KCNC4: variants seen among roughly 807,000 people sequenced by gnomAD.
KCNC4 encodes the protein potassium voltage-gated channel subfamily C member 4.
Under a neutral mutation model 42.8 loss-of-function variants are expected in KCNC4, and 23 were observed. The observed-to-expected ratio is 0.54, with a 90% CI of 0.39 to 0.76. The LOEUF (loss-of-function observed/expected upper bound fraction) is 0.76. Ranked by LOEUF, KCNC4 falls within the 30% of genes least tolerant of loss-of-function variation. The probability of loss-of-function intolerance (pLI) is 0.00; values close to 1 mark genes in which losing one functional copy is unlikely to be tolerated. For synonymous variants in KCNC4, 422 were observed against 393.5 expected (o/e 1.07, Z -0.86); for missense variants, 751 against 898.2 (o/e 0.84, Z 2.10).
rs757459306 is a variant in KCNC4 at position 110,211,847 on chromosome 1, C to T, written c.348C>T (p.His116=). The T allele has an allele frequency of 3.7e-6, 6 of 1,611,742 alleles. No individual in the cohort carries two copies. Among genetic ancestry groups the T allele is most frequent in the Non-Finnish European group, 5.1e-6 (6 of 1,179,850 alleles). ...ACTACTACCGCACCGGCAAGCTGCA[C>T]TGCCCCGCGGACGTGTGCGGGCCGC... ...VLNYYRTGKL[H]CPADVCGPLF... The change falls in exon 1 of 4, where the codon CAC becomes CAT. Residue 116 remains histidine, a synonymous_variant. Transcript: ENST00000438661. The surrounding 1 kb of genome is among the most constrained non-coding windows in gnomAD (Gnocchi z 6.5).
At chr1:110,224,496 C>G (rs1658285553) in intron 2 of KCNC4, 2 of 153,360 alleles carry the variant, frequency 1.3e-5, no homozygotes, top group Admixed American at 6.5e-5. Context: ...GCCTTCTGTT[C>G]AGCACAAGCT....
intron 1 of KCNC4, chr1:110,272,659 G>A (rs1178468597): frequency 6.6e-6 from 1 of 152,010 alleles, no homozygotes; most frequent in Non-Finnish European, 1.5e-5. Context: ...ATGATTGGAG[G>A]TGTGGGAAAG....
intron 1 of KCNC4, among the ~76,000 whole-genome samples, chr1:110,264,798 C>T (rs1396146420): frequency 6.6e-6 from 1 of 152,108 alleles, no homozygotes; most frequent in East Asian, 1.9e-4. Flanking sequence ...AGGGAGAGAG[C>T]TGGCTGGGCG....
Position 110,212,159 on chromosome 1 carries a change from C to T in KCNC4, c.660C>T (p.Tyr220=). The T allele has an allele frequency of 1.3e-6, 2 of 1,509,722 alleles. No individual in the cohort carries two copies. Among genetic ancestry groups the T allele is most frequent in the African/African-American group, 1.5e-5 (1 of 68,568 alleles). 93.5% of individuals were successfully genotyped at this position (1,509,722 alleles called of 1,614,324 possible). A position where few individuals can be genotyped will look rare whatever the true frequency, so the allele number is the denominator to read the frequency against. Residue 220 remains tyrosine (Y), a synonymous_variant, in exon 1 of 4, where the codon TAC becomes TAT. Coordinates refer to ENST00000438661, the MANE Select transcript of KCNC4 (RefSeq NM_001039574.3). ...TGTGGGCGCTCTTCGAGGATCCCTA[C>T]TCCTCCCGGGCCGCTAGGGTGAGTG... The part of the protein sequence containing the change: ...PRMWALFEDP[Y]SSRAARVVAF...
rs1222713952 is a variant in KCNC4 at position 110,211,486 on chromosome 1, C to T, written c.-14C>T. On this transcript the variant is annotated 5_prime_UTR_variant, in exon 1 of 4. Coordinates refer to ENST00000438661, the MANE Select transcript of KCNC4 (RefSeq NM_001039574.3). The surrounding 1 kb of genome is among the most constrained non-coding windows in gnomAD (Gnocchi z 6.5). Reference sequence around the variant, plus strand: ...GCAGCGGCCGCCCCAAGCCGGAGCCCCGCAGCGCTTCTTATGATCAGCTCG... The same window carrying T: ...GCAGCGGCCGCCCCAAGCCGGAGCCTCGCAGCGCTTCTTATGATCAGCTCG... 6 of 1,605,408 alleles carry T rather than the reference C, an allele frequency of 3.7e-6. No individual in the cohort carries two copies. Among genetic ancestry groups the T allele is most frequent in the Admixed American group, 1.7e-5 (1 of 59,738 alleles).
chr1:110,275,734 G>T (rs1443739352), intron 1 of KCNC4, among the ~76,000 whole-genome samples: 1 of 151,940 alleles, frequency 6.6e-6, no homozygotes, highest in Non-Finnish European at 1.5e-5. Flanking sequence ...CGAGGCGGGT[G>T]GATCATGAGG....
At chr1:110,214,515 T>C (rs1657673412) in intron 1 of KCNC4, among the ~76,000 whole-genome samples, 1 of 152,222 alleles carries the variant, frequency 6.6e-6, no homozygotes, top group African/African-American at 2.4e-5. Flanking sequence ...CCCAGACAGA[T>C]ACATTGCTGT....
chr1:110,226,120 T>A lies in KCNC4; in HGVS notation c.1761T>A (p.Ala587=). The change falls in exon 3 of 4, where the codon GCT becomes GCA. Residue 587 remains alanine, a synonymous_variant. Coordinates refer to ENST00000438661, the MANE Select transcript of KCNC4 (RefSeq NM_001039574.3). ...STTRDRNKKA[A]ACFLLSTGDY... Reference sequence around the variant, plus strand: ...CTCGAGACAGAAACAAGAAGGCAGCTGCCTGCTTCCTGCTCAGCACTGGGG... The same window carrying A: ...CTCGAGACAGAAACAAGAAGGCAGCAGCCTGCTTCCTGCTCAGCACTGGGG... 10 of 1,614,130 alleles carry A rather than the reference T, an allele frequency of 6.2e-6. No individual in the cohort carries two copies. The highest frequency in any genetic ancestry group is 8.5e-6 in the Non-Finnish European group (10 of 1,180,006).
chr1:110,251,247 T>C (rs12130914), downstream of KCNC4, among the ~76,000 whole-genome samples: 56,380 of 152,046 alleles, frequency 0.37, 10,692 homozygotes, highest in African/African-American at 0.39. Flanking sequence ...GCTGTGTCCC[T>C]ACTCAAATCT....
At chr1:110,217,004 G>A (rs762988196) in intron 1 of KCNC4, among the ~76,000 whole-genome samples, 2 of 152,072 alleles carry the variant, frequency 1.3e-5, no homozygotes, top group Admixed American at 6.5e-5. Flanking sequence ...GAGAGCAGGG[G>A]GTCACCTTGG....
At chr1:110,234,931 A>T (rs1658870438), downstream of KCNC4, 1 of 152,288 alleles carries the variant, frequency 6.6e-6, no homozygotes, top group Non-Finnish European at 1.5e-5. Flanking sequence ...TTGTTAGGGA[A>T]TAATGATGGC....
rs546936456 is a variant in KCNC4, at chr1:110,229,881, G to A, written c.1820-3030G>A. Among the ~76,000 whole-genome samples the A allele has an allele frequency of 3.7e-4, 55 of 148,992 alleles. No individual in the cohort carries two copies. The South Asian group carries it at 3.9e-3, about 11-fold the overall frequency. On this transcript the variant is annotated intron_variant, in intron 3 of 3. Coordinates refer to ENST00000438661, the MANE Select transcript of KCNC4 (RefSeq NM_001039574.3). ...ATTAGACCTGACAGCAGAGCCGTGC[G>A]CCTGGCAATTTTTAGAGTCAGATTA...
chr1:110,223,098 C>T lies in KCNC4; in HGVS notation c.813C>T (p.Phe271=). Residue 271 remains phenylalanine, a synonymous_variant, in exon 2 of 4, where the codon TTC becomes TTT. Transcript: ENST00000438661. This position sits in a 1 kb window ranked among gnomAD's most constrained non-coding sequence, Gnocchi z 7.5. ...TAGGGAACATCACCAGCGTGCACTT[C>T]CGGCGGGAGGTAGAGACAGAGCCCA... ...LRVGNITSVH[F]RREVETEPIL... The T allele has an allele frequency of 3.1e-6, 5 of 1,614,216 alleles. No homozygotes were observed. The highest frequency in any genetic ancestry group is 4.2e-6 in the Non-Finnish European group (5 of 1,180,030).
chr1:110,223,343 G>T lies in KCNC4; in HGVS notation c.1058G>T (p.Arg353Leu). The T allele has an allele frequency of 6.2e-7, 1 of 1,613,818 alleles. No homozygotes were observed. Among genetic ancestry groups the T allele is most frequent in the Non-Finnish European group, 8.5e-7 (1 of 1,179,884 alleles). ...LGFLRVVRFV[R>L]ILRIFKLTRH... ...TTCCTGCGCGTGGTGCGCTTCGTGC[G>T]CATCCTGCGTATCTTCAAGCTCACA... The change falls in exon 2 of 4, where the codon CGC (arginine) becomes CTC (leucine). Residue 353 changes from arginine to leucine, a missense_variant. Coordinates refer to ENST00000438661, the MANE Select transcript of KCNC4 (RefSeq NM_001039574.3). The surrounding 1 kb of genome is among the most constrained non-coding windows in gnomAD (Gnocchi z 7.5).
At chr1:110,229,614 G>A (rs919292867) in intron 3 of KCNC4, among the ~76,000 whole-genome samples, 4 of 152,162 alleles carry the variant, frequency 2.6e-5, no homozygotes, top group South Asian at 2.1e-4. Context: ...TGCCAGAACC[G>A]GAGACTCATC....
intron 1 of KCNC4, chr1:110,220,871 A>G (rs1260284176): frequency 6.6e-6 from 1 of 152,230 alleles, no homozygotes; most frequent in Non-Finnish European, 1.5e-5. Flanking sequence ...AAAGGAACTT[A>G]AATTTACCTT....
Position 110,212,117 on chromosome 1 carries a change from C to T in KCNC4, c.618C>T (p.Arg206=). The change falls in exon 1 of 4, where the codon CGC becomes CGT. Residue 206 remains arginine, a synonymous_variant. Coordinates refer to ENST00000438661, the MANE Select transcript of KCNC4 (RefSeq NM_001039574.3). Reference sequence around the variant, plus strand: ...ATGGCGCCGGGTCTGGGGGCTGCCGCGGCTGGCAGCCCCGCATGTGGGCGC... The same window carrying T: ...ATGGCGCCGGGTCTGGGGGCTGCCGTGGCTGGCAGCCCCGCATGTGGGCGC... ...AGHGAGSGGC[R]GWQPRMWALF... 1 of 1,500,676 alleles carries T rather than the reference C, an allele frequency of 6.7e-7. No homozygotes were observed. The highest frequency in any genetic ancestry group is 8.8e-7 in the Non-Finnish European group (1 of 1,140,884). The allele number at this position is 1,500,676 out of a possible 1,614,324, so 93.0% of individuals were successfully genotyped here.
At chr1:110,244,486 A>G (rs942549664) in exon 4 of KCNC4, 1 of 152,232 alleles carries the variant, frequency 6.6e-6, no homozygotes, top group African/African-American at 2.4e-5. Flanking sequence ...ACACACCAGC[A>G]CACTTCGCCC....
intron 1 of KCNC4, among the ~76,000 whole-genome samples, chr1:110,271,873 G>A (rs746009637): frequency 6.6e-6 from 1 of 152,100 alleles, no homozygotes; most frequent in African/African-American, 2.4e-5. Context: ...AAGAGGAGGA[G>A]GAGGAGGCTC....
Sources: allele counts gnomAD v4.1 joint callset (sites outside exome capture counted in the v4.1 genomes callset), GRCh38; gene constraint gnomAD v4.1.1; non-coding constraint Gnocchi (gnomAD v3.1); transcripts MANE v1.5; gene names NCBI Gene and HGNC (gene_info 2026-07-23, HGNC 2026-07-21).